Variants in ZBTB44 observed in about 807,000 individuals in gnomAD.
The protein encoded by ZBTB44 is zinc finger and BTB domain-containing protein 44.
In ZBTB44, 15 loss-of-function variants were observed where a neutral mutation model predicts 54.0. The ratio of observed to expected loss-of-function variants is 0.28; its 90% confidence interval spans 0.19 to 0.43. ZBTB44 has a LOEUF of 0.43. ZBTB44 is among the 20% of genes least tolerant of loss of function. The pLI, the probability that ZBTB44 is intolerant of heterozygous loss-of-function variation, is 1.00. For missense variants in ZBTB44, 487 were observed against 707.1 expected (o/e 0.69, Z 3.53); for synonymous variants, 230 against 250.1 (o/e 0.92, Z 0.76).
chr11:130,245,780 T>C (rs1219395535), intron 2 of ZBTB44, among the ~76,000 whole-genome samples: 1 of 152,200 alleles, frequency 6.6e-6, no homozygotes, highest in African/African-American at 2.4e-5. Flanking sequence ...GGCCATACTC[T>C]TTCGAGGAGG....
In ZBTB44 at chr11:130,240,872, T is replaced by C. The variant is rs566153629; in HGVS notation, c.1019-976A>G. Among the ~76,000 whole-genome samples, 19 of 152,330 alleles carry C rather than the reference T, an allele frequency of 1.2e-4. No homozygotes were observed. In the East Asian group the frequency reaches 3.7e-3, roughly 29 times the overall value. ...GTGGCAGAGTTTAGTAGCTTTTGGT[T>C]GTGACAGAGACCATGTGGCAGTTAT... On this transcript the variant is annotated intron_variant, in intron 2 of 7. Transcript: ENST00000357899.
At chr11:130,308,448 CTTA>C (rs1942398662) in intron 1 of ZBTB44, among the ~76,000 whole-genome samples, 1 of 152,166 alleles carries the variant, frequency 6.6e-6, no homozygotes, top group South Asian at 2.1e-4. Flanking sequence ...GGGTCGGCCA[CTTA>C]TTGTGATACT....
intron 1 of ZBTB44, among the ~76,000 whole-genome samples, chr11:130,298,976 G>C (rs1941840005): frequency 2.0e-5 from 3 of 152,000 alleles, no homozygotes; most frequent in Non-Finnish European, 2.9e-5. Flanking sequence ...CCAGCTACTT[G>C]GGAGGCAGAG....
chr11:130,275,586 C>T (rs143893770), intron 1 of ZBTB44, among the ~76,000 whole-genome samples: 1 of 152,068 alleles, frequency 6.6e-6, no homozygotes, highest in East Asian at 1.9e-4. Context: ...CAAATTTTTT[C>T]CTGCTTTTGA....
intron 2 of ZBTB44, among the ~76,000 whole-genome samples, chr11:130,249,298 G>C (rs1263172533): frequency 6.6e-6 from 1 of 152,124 alleles, no homozygotes; most frequent in Non-Finnish European, 1.5e-5. Flanking sequence ...AAGGTACCAA[G>C]GTGTTTTCAA....
chr11:130,262,014 T>A, intron 1 of ZBTB44, 85 bp from the exon 2 acceptor site: 2 of 1,021,582 alleles, frequency 2.0e-6, no homozygotes, highest in Non-Finnish European at 2.7e-6. Context: ...GCCACTGTAC[T>A]AAATTAAAAA....
chr11:130,268,863 A>G (rs1029353471), intron 1 of ZBTB44, among the ~76,000 whole-genome samples: 16 of 151,360 alleles, frequency 1.1e-4, no homozygotes, highest in Non-Finnish European at 2.9e-5. Flanking sequence ...TACAGGTGTG[A>G]GCCATCACGC....
At chr11:130,311,249 C>T (rs968269026) in intron 1 of ZBTB44, among the ~76,000 whole-genome samples, 3 of 151,774 alleles carry the variant, frequency 2.0e-5, no homozygotes, top group South Asian at 2.1e-4. Flanking sequence ...CTCTGTCATC[C>T]AGGCTGAAGT....
At chr11:130,313,957 T>C (rs1565346682) in intron 1 of ZBTB44, among the ~76,000 whole-genome samples, 2 of 149,190 alleles carry the variant, frequency 1.3e-5, no homozygotes, top group African/African-American at 2.6e-5. Context: ...TGTATATATA[T>C]ATATATATAT....
At chr11:130,233,103 T>A (rs1400344745) in intron 7 of ZBTB44, 1 of 514,592 alleles carries the variant, frequency 1.9e-6, no homozygotes, top group Non-Finnish European at 3.4e-6. Context: ...CACATAAACC[T>A]ATATATAAAA....
At chr11:130,302,754 C>A (rs890688222) in intron 1 of ZBTB44, among the ~76,000 whole-genome samples, 3 of 152,128 alleles carry the variant, frequency 2.0e-5, no homozygotes, top group Non-Finnish European at 2.9e-5. Flanking sequence ...CAGGTGATCA[C>A]CTGAGGTCAG....
chr11:130,291,594 C>G (rs1405038112), intron 1 of ZBTB44, among the ~76,000 whole-genome samples: 1 of 152,122 alleles, frequency 6.6e-6, no homozygotes, highest in South Asian at 2.1e-4. Flanking sequence ...TAAATCCTAT[C>G]CTCATTTTAT....
chr11:130,276,043 C>T (rs1042903271), intron 1 of ZBTB44, among the ~76,000 whole-genome samples: 35 of 151,198 alleles, frequency 2.3e-4, no homozygotes, highest in African/African-American at 2.7e-4. Context: ...CTGGCTAACA[C>T]GGTGAAACCC....
intron 1 of ZBTB44, chr11:130,295,613 A>T: frequency 1.3e-6 from 1 of 793,590 alleles, no homozygotes; most frequent in Non-Finnish European, 2.1e-6. Flanking sequence ...TAATATTGTC[A>T]ATGAAAACTC....
At chr11:130,288,069 G>C (rs1278720851) in intron 1 of ZBTB44, among the ~76,000 whole-genome samples, 1 of 151,948 alleles carries the variant, frequency 6.6e-6, no homozygotes, top group Admixed American at 6.6e-5. Context: ...CATGTGTTAA[G>C]TCTGTTACAG....
At chr11:130,288,880 G>A (rs1416356718) in intron 1 of ZBTB44, among the ~76,000 whole-genome samples, 2 of 150,406 alleles carry the variant, frequency 1.3e-5, no homozygotes, top group Non-Finnish European at 2.9e-5. Flanking sequence ...GTGGGTGACA[G>A]AGCGAGACTC....
At position 130,314,752 on chromosome 11, in the gene ZBTB44, C is replaced by T; in HGVS notation, c.-434G>A. On this transcript the variant is annotated 5_prime_UTR_variant, in exon 1 of 8. Transcript: ENST00000357899. ...GGTTGTTTGGGGAGCGCGGCGACGG[C>T]TCGCGTGTTCCCAGCGGGGCGGGGT... is the stretch of plus-strand genomic sequence containing the variant. 7.0e-6 allele frequency: 1 copy of T among 143,824 alleles called. No homozygotes were observed. Among genetic ancestry groups the T allele is most frequent in the Non-Finnish European group, 1.5e-5 (1 of 65,864 alleles). 8.9% of individuals were successfully genotyped at this position (143,824 alleles called of 1,614,324 possible).
intron 1 of ZBTB44, among the ~76,000 whole-genome samples, chr11:130,279,510 T>C (rs1037621079): frequency 8.6e-5 from 13 of 151,998 alleles, no homozygotes; most frequent in Admixed American, 7.9e-4. Context: ...AATACCAAAA[T>C]TAGCTGGGCT....
chr11:130,232,287 C>T (rs1200512311), intron 7 of ZBTB44: 4 of 152,154 alleles, frequency 2.6e-5, no homozygotes, highest in African/African-American at 9.6e-5. Context: ...TTCTGTCTAT[C>T]AAATCAGGTG....
Sources: allele counts gnomAD v4.1 joint callset (sites outside exome capture counted in the v4.1 genomes callset), GRCh38; gene constraint gnomAD v4.1.1; transcripts MANE v1.5; gene names NCBI Gene and HGNC (gene_info 2026-07-23, HGNC 2026-07-21).